The following SATL1 variants were observed in gnomAD, a reference collection of about 807,000 sequenced individuals.
The protein encoded by SATL1 is spermidine/spermine N(1)-acetyltransferase-like protein 1.
Under a neutral mutation model 51.8 loss-of-function variants are expected in SATL1, and 47 were observed. That is an observed-to-expected ratio of 0.91 (90% CI 0.72 to 1.16). SATL1 has a LOEUF of 1.16. Ranked by LOEUF, SATL1 falls within the 50% of genes most tolerant of loss-of-function variation. The pLI, the probability that SATL1 is intolerant of heterozygous loss-of-function variation, is 0.00. For missense variants in SATL1, 520 were observed against 526.4 expected, an observed-to-expected ratio of 0.99 and a Z score of 0.12; for synonymous variants, 176 against 182.4, an observed-to-expected ratio of 0.97 and a Z score of 0.28.
rs780904641 is a variant in SATL1 at position 85,098,101 on chromosome X, C to CAT, written c.1694-3106_1694-3105insAT. Among the ~76,000 whole-genome samples, 3 of 111,351 alleles carry CAT rather than the reference C, an allele frequency of 2.7e-5. No homozygotes were observed. In the South Asian group the frequency reaches 1.1e-3, roughly 42 times the overall value. On this transcript the variant is annotated intron_variant, in intron 4 of 7. Transcript: ENST00000644105. ...TGTCTACAAGAGACATACTGTAGAT[C>CAT]CAGTCACAAATATGTTGAAAATGAA...
In SATL1 at chrX:85,108,451, G is replaced by A. The variant is rs58952244; in HGVS notation, c.518C>T (p.Thr173Ile). 3.0e-3 allele frequency: 3,690 copies of A among 1,210,171 alleles called. 63 individuals are homozygous for A. In the African/African-American group the frequency reaches 0.056, roughly 18 times the overall value. Reference sequence around the variant, plus strand: ...TGGTTGGCTCAGTCCTGTTTGCCATGTGCCTGGTTGGCTCATGCCTATTTG... The same window carrying A: ...TGGTTGGCTCAGTCCTGTTTGCCATATGCCTGGTTGGCTCATGCCTATTTG... Reference protein sequence around the residue: ...TSQIGMSQPGTWQTGLSQPVL... With the variant: ...TSQIGMSQPGIWQTGLSQPVL... Residue 173 changes from threonine (T) to isoleucine (I), a missense_variant, in exon 3 of 8, where the codon ACA (threonine) becomes ATA (isoleucine). Thr to Ile is a moderately conservative substitution (Grantham distance 89). Transcript: ENST00000644105.
chrX:85,195,952 C>T (rs1211941837), intron 2 of SATL1, among the ~76,000 whole-genome samples: 6 of 110,170 alleles, frequency 5.4e-5, no homozygotes, highest in Admixed American at 9.9e-5. Context: ...TAAGTGTGTG[C>T]ATTCTTCAAG....
chrX:85,143,726 A>G (rs1334048221), intron 2 of SATL1, among the ~76,000 whole-genome samples: 5 of 111,323 alleles, frequency 4.5e-5, no homozygotes, highest in Non-Finnish European at 9.4e-5. Context: ...CCTCTTAAAG[A>G]TAACATGTTT....
intron 2 of SATL1, among the ~76,000 whole-genome samples, chrX:85,180,421 C>T (rs993154751): frequency 1.8e-5 from 2 of 110,914 alleles, no homozygotes; most frequent in Admixed American, 9.6e-5. Flanking sequence ...ATGGTATAGC[C>T]TATTGTTCCT....
chrX:85,106,023 A>G lies in SATL1; in HGVS notation c.1641+1305T>C, dbSNP rs754358274. On this transcript the variant is annotated intron_variant, in intron 3 of 7. Transcript: ENST00000644105. ...CTAGTGATGTATTATTCCCTTGGTG[A>G]TGACAATGGGCATTGCTTGGAAAGC... Among the ~76,000 whole-genome samples the G allele has an allele frequency of 8.0e-4, 90 of 112,171 alleles. 1 individual carries two copies. Among genetic ancestry groups the G allele is most frequent in the African/African-American group, 2.8e-3 (86 of 30,930 alleles).
chrX:85,188,999 T>A (rs772583410), intron 2 of SATL1, among the ~76,000 whole-genome samples: 9 of 112,214 alleles, frequency 8.0e-5, no homozygotes, highest in African/African-American at 2.9e-4. Flanking sequence ...TAAAGTAAAT[T>A]TTTGATCACA....
intron 2 of SATL1, among the ~76,000 whole-genome samples, chrX:85,205,288 T>G (rs780000025): frequency 8.9e-6 from 1 of 112,460 alleles, no homozygotes; most frequent in Non-Finnish European, 1.9e-5. Flanking sequence ...GCCTACTATA[T>G]GCCTAAAACC....
intron 2 of SATL1, among the ~76,000 whole-genome samples, chrX:85,166,563 A>C (rs1311365955): frequency 8.9e-6 from 1 of 111,789 alleles, no homozygotes. Flanking sequence ...ATACAAATCA[A>C]AACCACAATG....
At chrX:85,167,646 T>C (rs1926871429) in intron 2 of SATL1, among the ~76,000 whole-genome samples, 1 of 110,374 alleles carries the variant, frequency 9.1e-6, no homozygotes, top group Non-Finnish European at 1.9e-5. Flanking sequence ...CAGTAATAAA[T>C]AGCTTAGCAA....
At chrX:85,226,141 C>T (rs1284059135) in intron 1 of SATL1, among the ~76,000 whole-genome samples, 1 of 111,411 alleles carries the variant, frequency 9.0e-6, no homozygotes, top group African/African-American at 3.3e-5. Flanking sequence ...TCCCACCCTT[C>T]CCCATTTCCT....
chrX:85,133,306 G>C (rs1226944509), intron 2 of SATL1, among the ~76,000 whole-genome samples: 1 of 111,897 alleles, frequency 8.9e-6, no homozygotes, highest in Non-Finnish European at 1.9e-5. Flanking sequence ...GCTGCGGTGG[G>C]CTCCACCCAG....
At chrX:85,170,102 A>G (rs1343298897) in intron 2 of SATL1, among the ~76,000 whole-genome samples, 1 of 110,967 alleles carries the variant, frequency 9.0e-6, no homozygotes. Context: ...GTAGAGGGGA[A>G]CAATAGATAC....
At chrX:85,164,012 G>A (rs1377674341) in intron 2 of SATL1, among the ~76,000 whole-genome samples, 2 of 111,930 alleles carry the variant, frequency 1.8e-5, no homozygotes, top group Admixed American at 1.9e-4. Context: ...ATTATATAAT[G>A]TCCCTCTTTG....
intron 2 of SATL1, among the ~76,000 whole-genome samples, chrX:85,150,300 C>T (rs1926390732): frequency 9.0e-6 from 1 of 111,298 alleles, no homozygotes; most frequent in Non-Finnish European, 1.9e-5. Flanking sequence ...GAATAATAGG[C>T]TCTGAAATTG....
intron 3 of SATL1, among the ~76,000 whole-genome samples, chrX:85,105,199 C>T (rs2147688535): frequency 9.0e-6 from 1 of 111,141 alleles, no homozygotes; most frequent in African/African-American, 3.3e-5. Context: ...TTACATAGAG[C>T]ATTAGTAAGA....
At chrX:85,230,649 A>G (rs960362791) in intron 1 of SATL1, among the ~76,000 whole-genome samples, 3 of 112,362 alleles carry the variant, frequency 2.7e-5, no homozygotes, top group Non-Finnish European at 5.6e-5. Flanking sequence ...ATGAGAGAAA[A>G]TATTTCTAAA....
chrX:85,096,072 A>C (rs1924712437), intron 4 of SATL1, among the ~76,000 whole-genome samples: 1 of 111,468 alleles, frequency 9.0e-6, no homozygotes, highest in South Asian at 3.7e-4. Context: ...ACATTAACAA[A>C]AAACATAGCT....
chrX:85,174,921 G>A (rs7066472), intron 2 of SATL1, among the ~76,000 whole-genome samples: 12,165 of 111,015 alleles, frequency 0.11, 570 homozygotes, highest in South Asian at 0.18. Context: ...TATATGGTAC[G>A]GAGGCATTAA....
At chrX:85,188,053 C>G (rs1015550404) in intron 2 of SATL1, among the ~76,000 whole-genome samples, 4 of 111,254 alleles carry the variant, frequency 3.6e-5, no homozygotes, top group Non-Finnish European at 5.7e-5. Flanking sequence ...TACTATGATT[C>G]TGTGAAATTA....
Sources: gnomAD v4.1 joint callset for allele counts (sites outside exome capture counted in the v4.1 genomes callset) on GRCh38, gnomAD v4.1.1 for gene constraint, MANE v1.5 for transcripts, NCBI Gene and HGNC (gene_info 2026-07-23, HGNC 2026-07-21) for gene names.